Variants in SLIT3 observed in about 807,000 individuals in gnomAD.
SLIT3 encodes slit homolog 3 protein.
Under a neutral mutation model 184.0 loss-of-function variants are expected in SLIT3, and 68 were observed. The observed-to-expected ratio is 0.37, with a 90% CI of 0.30 to 0.45. The LOEUF (loss-of-function observed/expected upper bound fraction) is 0.45. SLIT3 is among the 20% of genes least tolerant of loss of function. The pLI is 1.00. For missense variants in SLIT3, 1,707 were observed against 2,026.0 expected, an observed-to-expected ratio of 0.84 and a Z score of 3.02; for synonymous variants, 831 against 828.6, an observed-to-expected ratio of 1.00 and a Z score of -0.05.
chr5:168,757,444 G>A (rs981070490), intron 16 of SLIT3, among the ~76,000 whole-genome samples: 3 of 152,036 alleles, frequency 2.0e-5, no homozygotes, highest in African/African-American at 7.3e-5. Flanking sequence ...TATTGTTTTT[G>A]TTTTTTTGAG....
At chr5:168,819,024 T>A (rs1757432415) in intron 7 of SLIT3, among the ~76,000 whole-genome samples, 1 of 152,270 alleles carries the variant, frequency 6.6e-6, no homozygotes, top group Non-Finnish European at 1.5e-5. Context: ...CCTTTTTGCA[T>A]TTCCCAGTGG....
At chr5:169,022,467 A>C (rs887130205) in intron 4 of SLIT3, among the ~76,000 whole-genome samples, 3 of 152,212 alleles carry the variant, frequency 2.0e-5, no homozygotes, top group African/African-American at 7.2e-5. Flanking sequence ...GTGAACAGGG[A>C]AAAGTGAACA....
intron 4 of SLIT3, among the ~76,000 whole-genome samples, chr5:169,193,213 T>TC (rs1013832732): frequency 6.6e-6 from 1 of 152,114 alleles, no homozygotes; most frequent in Non-Finnish European, 1.5e-5. Context: ...AAGCATCGCC[T>TC]CCCTCCTTGC....
chr5:169,202,756 C>T (rs933284618), intron 3 of SLIT3, among the ~76,000 whole-genome samples: 11 of 152,024 alleles, frequency 7.2e-5, no homozygotes, highest in African/African-American at 2.4e-4. Flanking sequence ...CAGCTCAGGA[C>T]TCAAGTATGA....
intron 3 of SLIT3, among the ~76,000 whole-genome samples, chr5:169,217,678 G>A (rs1407513181): frequency 2.0e-5 from 3 of 152,290 alleles, no homozygotes; most frequent in East Asian, 1.9e-4. Flanking sequence ...AGTAGGCAAC[G>A]AACCAGTAAT....
At position 168,883,338 on chromosome 5, in the gene SLIT3, T is replaced by C; in HGVS notation, c.414-2A>G. On this transcript the variant is annotated splice_acceptor_variant, in intron 4 of 35. Coordinates refer to ENST00000519560, the MANE Select transcript of SLIT3 (RefSeq NM_003062.4). LOFTEE classifies it high-confidence loss of function. The stretch of plus-strand genomic sequence containing the variant: ...TGGATCTGGTTTTCACTCAAATCTC[T>C]AAACAAGAAGAGAAGAGGCACACTG... 1.9e-6 allele frequency: 3 copies of C among 1,611,614 alleles called. No individual in the cohort carries two copies. Among genetic ancestry groups the C allele is most frequent in the Non-Finnish European group, 2.5e-6 (3 of 1,177,766 alleles).
chr5:168,752,725 C>T (rs1263386452), intron 18 of SLIT3: 13 of 537,018 alleles, frequency 2.4e-5, no homozygotes, highest in Non-Finnish European at 4.0e-5. Context: ...TCACTGTGGA[C>T]ATGCTTTCTG....
intron 3 of SLIT3, among the ~76,000 whole-genome samples, chr5:169,218,650 A>G (rs1764522145): frequency 6.6e-6 from 1 of 152,194 alleles, no homozygotes; most frequent in Admixed American, 6.5e-5. Flanking sequence ...CCATTTCTTC[A>G]TCTAGGCAAA....
intron 4 of SLIT3, among the ~76,000 whole-genome samples, chr5:169,098,775 G>A (rs1169227790): frequency 6.6e-6 from 1 of 152,212 alleles, no homozygotes; most frequent in Non-Finnish European, 1.5e-5. Flanking sequence ...TGGGACAATT[G>A]TTCAGTTGCA....
chr5:168,722,157 G>C, intron 23 of SLIT3, 99 bp downstream of exon 23: 1 of 1,050,282 alleles, frequency 9.5e-7, no homozygotes, highest in Non-Finnish European at 1.5e-6. Context: ...TGGGGGTGGA[G>C]TGGGCTTTGG....
At position 169,292,616 on chromosome 5, in the gene SLIT3, T is replaced by C. The variant is rs185923060; in HGVS notation, c.197+7897A>G. Among the ~76,000 whole-genome samples, 3 of 152,308 alleles carry C rather than the reference T, an allele frequency of 2.0e-5. No homozygotes were observed. The East Asian group carries it at 5.8e-4, about 29-fold the overall frequency. On this transcript the variant is annotated intron_variant, in intron 1 of 35. Transcript: ENST00000519560. ...AAAATGCACAGAGAACTCTGCTGAT[T>C]ATATTGACAACTTGGATAAAGATCC...
At chr5:169,226,292 C>T (rs377382158) in intron 3 of SLIT3, among the ~76,000 whole-genome samples, 1 of 152,068 alleles carries the variant, frequency 6.6e-6, no homozygotes. Flanking sequence ...CAGAGAGTCT[C>T]CTGCTGAGGC....
At chr5:169,025,206 T>C (rs998041950) in intron 4 of SLIT3, among the ~76,000 whole-genome samples, 1 of 152,110 alleles carries the variant, frequency 6.6e-6, no homozygotes, top group Non-Finnish European at 1.5e-5. Flanking sequence ...TACATAAATA[T>C]ATCTTGAATC....
rs556496863 is a variant in SLIT3, at chr5:168,894,565, A to G, written c.414-11229T>C. ...CATGCTTGAGAACTAATGCTCCTAG[A>G]ACAGGCTTGTGAACTAAGGAGCCAC... is the stretch of plus-strand genomic sequence containing the variant. On this transcript the variant is annotated intron_variant, in intron 4 of 35. Transcript: ENST00000519560. Among the ~76,000 whole-genome samples, 33 of 152,286 alleles carry G rather than the reference A, an allele frequency of 2.2e-4. No individual in the cohort carries two copies. The South Asian group carries it at 6.4e-3, about 30-fold the overall frequency.
intron 5 of SLIT3, among the ~76,000 whole-genome samples, chr5:168,853,531 A>G (rs1419581092): frequency 2.0e-5 from 3 of 152,220 alleles, no homozygotes; most frequent in Admixed American, 1.3e-4. Context: ...CAAAACCATC[A>G]CAACCATGAT....
In SLIT3 at chr5:168,768,078, G is replaced by A. The variant is rs115923615; in HGVS notation, c.1459+4703C>T. ...ACTGGGAGAGGTGGGTCTGGCAGGT[G>A]GTGGGCTGCGGTGCTCCAGAGCAGA... is the stretch of plus-strand genomic sequence containing the variant. On this transcript the variant is annotated intron_variant, in intron 14 of 35. Transcript: ENST00000519560. 1.3e-3 allele frequency: 523 copies of A among 399,254 alleles called. 2 individuals carry two copies. Among genetic ancestry groups the A allele is most frequent in the African/African-American group, 0.01 (499 of 48,834 alleles). The allele number at this position is 399,254 out of a possible 1,614,324, so 24.7% of individuals were successfully genotyped here.
intron 4 of SLIT3, among the ~76,000 whole-genome samples, chr5:169,069,371 A>AATG (rs1226825960): frequency 6.6e-6 from 1 of 152,166 alleles, no homozygotes; most frequent in African/African-American, 2.4e-5. Flanking sequence ...AGGGCCCTAG[A>AATG]ATGCATGTCC....
chr5:169,133,794 T>A (rs2113322866), intron 4 of SLIT3, among the ~76,000 whole-genome samples: 1 of 152,256 alleles, frequency 6.6e-6, no homozygotes, highest in Admixed American at 6.5e-5. Flanking sequence ...CAAAACTACC[T>A]GTCAGGCAGG....
intron 3 of SLIT3, among the ~76,000 whole-genome samples, chr5:169,211,582 T>C (rs1369833913): frequency 2.0e-5 from 3 of 152,190 alleles, no homozygotes; most frequent in Admixed American, 1.3e-4. Flanking sequence ...CACATTAGGG[T>C]GCACCTTCCT....
Sources: allele counts gnomAD v4.1 joint callset (sites outside exome capture counted in the v4.1 genomes callset), GRCh38; gene constraint gnomAD v4.1.1; transcripts MANE v1.5; gene names NCBI Gene and HGNC (gene_info 2026-07-23, HGNC 2026-07-21).